ZNF483: variants seen among roughly 807,000 people sequenced by gnomAD.
ZNF483 encodes the protein zinc finger protein 483, also known as zinc finger protein HIT-10.
In ZNF483, 9 loss-of-function variants were observed where a neutral mutation model predicts 28.6. The ratio of observed to expected loss-of-function variants is 0.32; its 90% confidence interval spans 0.19 to 0.55. The LOEUF (loss-of-function observed/expected upper bound fraction) is 0.55, where lower values mean the gene tolerates loss of function less well. ZNF483 is among the 20% of genes least tolerant of loss of function. ZNF483 has a pLI of 0.93. For missense variants in ZNF483, 675 were observed against 871.7 expected, an observed-to-expected ratio of 0.77 and a Z score of 2.84; for synonymous variants, 322 against 306.2, an observed-to-expected ratio of 1.05 and a Z score of -0.54.
chr9:111,561,176 A>T (rs1828308741), intron 5 of ZNF483, among the ~76,000 whole-genome samples: 1 of 127,450 alleles, frequency 7.8e-6, no homozygotes, highest in African/African-American at 3.2e-5. Flanking sequence ...AGAGAGAGAG[A>T]GAAAGAGAGA....
In ZNF483 at chr9:111,543,258, A is replaced by T. The variant is rs1055719167; in HGVS notation, c.*88A>T. 18 of 1,478,548 alleles carry T rather than the reference A, an allele frequency of 1.2e-5. No homozygotes were observed. In the African/African-American group the frequency reaches 2.0e-4, roughly 16 times the overall value. 91.6% of individuals were successfully genotyped at this position (1,478,548 alleles called of 1,614,324 possible). A position where few individuals can be genotyped will look rare whatever the true frequency, so the allele number is the denominator to read the frequency against. ...ATGTAAACTTACAGTATTGATCAGT[A>T]GCTGCAGCTTTCGTAAATTGGCAGT... On this transcript the variant is annotated 3_prime_UTR_variant, in exon 6 of 6. Coordinates refer to ENST00000309235, the MANE Select transcript of ZNF483 (RefSeq NM_133464.5).
intron 3 of ZNF483, among the ~76,000 whole-genome samples, chr9:111,532,288 G>A (rs1301985135): frequency 2.6e-5 from 4 of 152,066 alleles, no homozygotes; most frequent in Non-Finnish European, 4.4e-5. Flanking sequence ...CTATGATTAC[G>A]CCACCGTACT....
At chr9:111,533,911 C>T in intron 4 of ZNF483, 46 bp downstream of exon 4, 1 of 1,571,156 alleles carries the variant, frequency 6.4e-7, no homozygotes, top group South Asian at 1.2e-5. Flanking sequence ...CCTTGGGTCT[C>T]TTTTTGTTCC....
Position 111,553,077 on chromosome 9 carries a change from CAT to C in ZNF483, c.*9910_*9911del, listed in dbSNP as rs1172178968. On this transcript the variant is annotated 3_prime_UTR_variant, in exon 6 of 6. Transcript: ENST00000309235. The stretch of plus-strand genomic sequence containing the variant: ...TTTGTTAGAAATTTCACTCGCAGTT[CAT>C]ATGAGTAATTTTGTGTATTCTTTTT... 2.0e-5 allele frequency among the ~76,000 whole-genome samples: 3 copies of C among 152,184 alleles called. No individual in the cohort carries two copies. Among genetic ancestry groups the C allele is most frequent in the East Asian group, 1.9e-4 (1 of 5,202 alleles).
intron 5 of ZNF483, chr9:111,574,647 T>A (rs1395578585): frequency 2.4e-6 from 2 of 830,808 alleles, no homozygotes; most frequent in Non-Finnish European, 3.7e-6. Context: ...TTCTAATAAT[T>A]TCAGAGTCAC....
intron 5 of ZNF483, among the ~76,000 whole-genome samples, chr9:111,541,159 G>A (rs1206932786): frequency 6.9e-6 from 1 of 145,324 alleles, no homozygotes; most frequent in African/African-American, 2.6e-5. Flanking sequence ...CCACAATCTC[G>A]GCTCCCTGTA....
At position 111,544,347 on chromosome 9, in the gene ZNF483, C is replaced by CGTGT. The variant is rs578064545; in HGVS notation, c.*1177_*1178insGTGT. On this transcript the variant is annotated 3_prime_UTR_variant, in exon 6 of 6. Transcript: ENST00000309235. ...ATAACAATTTGCTTGGGTGTGTGTG[C>CGTGT]ATGTGTGTGTGTGTGTGTGTGTGTG... The CGTGT allele has an allele frequency of 3.1e-3, 2,671 of 850,736 alleles. 7 individuals are homozygous for CGTGT. Among genetic ancestry groups the CGTGT allele is most frequent in the Middle Eastern group, 8.0e-3 (14 of 1,756 alleles). The allele number at this position is 850,736 out of a possible 1,614,324, so 52.7% of individuals were successfully genotyped here.
chr9:111,576,338 C>A, intron 5 of ZNF483: 1 of 1,612,910 alleles, frequency 6.2e-7, no homozygotes, highest in South Asian at 1.1e-5. Context: ...AACCAGTACT[C>A]ACTAAGCTTT....
intron 5 of ZNF483, among the ~76,000 whole-genome samples, chr9:111,569,642 G>A (rs542703946): frequency 1.3e-5 from 2 of 152,286 alleles, no homozygotes; most frequent in East Asian, 1.9e-4. Flanking sequence ...GTACACACCT[G>A]TAGTCCTAGC....
At chr9:111,533,986 G>GGACT in intron 4 of ZNF483, 121 bp downstream of exon 4, 7 of 1,217,644 alleles carry the variant, frequency 5.7e-6, no homozygotes, top group Middle Eastern at 3.9e-4. Flanking sequence ...GGGACTGATA[G>GGACT]GACTAATCCT....
At chr9:111,570,966 C>T (rs550674486) in intron 5 of ZNF483, among the ~76,000 whole-genome samples, 7 of 152,252 alleles carry the variant, frequency 4.6e-5, no homozygotes, top group Non-Finnish European at 8.8e-5. Flanking sequence ...GCCTATGCCC[C>T]TGGCTTTGAG....
rs866788779 is a variant in ZNF483, at chr9:111,551,411, T to G, written c.*8241T>G. On this transcript the variant is annotated 3_prime_UTR_variant, in exon 6 of 6. Transcript: ENST00000309235. ...AGTATCCAGTTTTTGTTTTTTTTTT[T>G]TTTTTTTTTTTTTTGAGATGGAGTC... Among the ~76,000 whole-genome samples the G allele has an allele frequency of 0.018, 2,526 of 139,502 alleles. 77 individuals carry two copies. The highest frequency in any genetic ancestry group is 0.064 in the African/African-American group (2,386 of 37,522). 91.5% of individuals were successfully genotyped at this position (139,502 alleles called of 152,430 possible).
At chr9:111,566,591 A>G (rs1828572264) in intron 5 of ZNF483, among the ~76,000 whole-genome samples, 1 of 152,236 alleles carries the variant, frequency 6.6e-6, no homozygotes. Context: ...TTTGAAAATT[A>G]TCACAGCACA....
rs562302971 is a variant in ZNF483 at position 111,552,861 on chromosome 9, A to G, written c.*9691A>G. 2.6e-5 allele frequency among the ~76,000 whole-genome samples: 4 copies of G among 152,304 alleles called. No individual in the cohort carries two copies. Among genetic ancestry groups the G allele is most frequent in the South Asian group, 2.1e-4 (1 of 4,830 alleles). On this transcript the variant is annotated 3_prime_UTR_variant, in exon 6 of 6. Coordinates refer to ENST00000309235, the MANE Select transcript of ZNF483 (RefSeq NM_133464.5). ...GTATATCCAAGAGCAAAATTGTTTA[A>G]TGGTTTCATTGACGTTTTCAGTTTT...
At chr9:111,533,996 T>C in intron 4 of ZNF483, 131 bp downstream of exon 4, 2 of 1,133,606 alleles carry the variant, frequency 1.8e-6, no homozygotes, top group Non-Finnish European at 2.5e-6. Flanking sequence ...GGACTAATCC[T>C]AAAAACTGGT....
intron 5 of ZNF483, among the ~76,000 whole-genome samples, chr9:111,568,191 T>C (rs921584489): frequency 6.6e-6 from 1 of 152,196 alleles, no homozygotes; most frequent in Non-Finnish European, 1.5e-5. Flanking sequence ...AGAGAGCCTA[T>C]AAATGGATGT....
chr9:111,564,824 A>T (rs967841766), intron 5 of ZNF483, among the ~76,000 whole-genome samples: 4 of 151,950 alleles, frequency 2.6e-5, no homozygotes, highest in Admixed American at 6.6e-5. Context: ...AGGGCTTTTT[A>T]AAAAAAGGTA....
chr9:111,542,609 A>C lies in ZNF483; in HGVS notation c.1674A>C (p.Lys558Asn), dbSNP rs761907289. 11 of 1,614,078 alleles carry C rather than the reference A, an allele frequency of 6.8e-6. No individual in the cohort carries two copies. The highest frequency in any genetic ancestry group is 9.3e-6 in the Non-Finnish European group (11 of 1,180,000). ...CCTATACATGTAGCAATTGTGGAAA[A>C]TCCTTCAGTCATAGCTCATCCCTTT... Reference protein sequence around the residue: ...EKPYTCSNCGKSFSHSSSLSK... With the variant: ...EKPYTCSNCGNSFSHSSSLSK... The change falls in exon 6 of 6, where the codon AAA (lysine) becomes AAC (asparagine). Residue 558 changes from lysine to asparagine, a missense_variant. Physicochemically the swap from Lys to Asn is moderately conservative, Grantham distance 94. Transcript: ENST00000309235. The surrounding 1 kb of genome is among the most constrained non-coding windows in gnomAD (Gnocchi z 6.2).
At chr9:111,566,204 AAAATAAATAAAT>A (rs370786202) in intron 5 of ZNF483, among the ~76,000 whole-genome samples, 321 of 152,090 alleles carry the variant, frequency 2.1e-3, no homozygotes, top group African/African-American at 7.4e-3. Flanking sequence ...CTCCATGTCA[AAAATAAATAAAT>A]AAATAAATAA....
Sources: gnomAD v4.1 joint callset for allele counts (sites outside exome capture counted in the v4.1 genomes callset) on GRCh38, gnomAD v4.1.1 for gene constraint, Gnocchi (gnomAD v3.1) non-coding constraint, MANE v1.5 for transcripts, NCBI Gene and HGNC (gene_info 2026-07-23, HGNC 2026-07-21) for gene names.